The following FOXP1 variants were observed in gnomAD, a reference collection of about 807,000 sequenced individuals.
The protein encoded by FOXP1 is forkhead box protein P1.
FOXP1 carries 15 observed loss-of-function variants against 98.2 expected under a neutral mutation model. The observed-to-expected ratio is 0.15, with a 90% CI of 0.10 to 0.24. The LOEUF is 0.24. Ranked by LOEUF, FOXP1 falls within the 10% of genes least tolerant of loss-of-function variation. The pLI is 1.00. For synonymous variants in FOXP1, 371 were observed against 314.5 expected, an observed-to-expected ratio of 1.18 and a Z score of -1.90; for missense variants, 633 against 848.5, an observed-to-expected ratio of 0.75 and a Z score of 3.15.
intron 11 of FOXP1, among the ~76,000 whole-genome samples, chr3:71,038,951 C>CCA (rs2047970626): frequency 6.6e-6 from 1 of 152,114 alleles, no homozygotes; most frequent in Non-Finnish European, 1.5e-5. Flanking sequence ...CAGGCATGAA[C>CCA]CACTGTACCA....
At position 71,535,503 on chromosome 3, in the gene FOXP1, G is replaced by A. The variant is rs372330351; in HGVS notation, c.-297-41948C>T. 6.1e-4 allele frequency among the ~76,000 whole-genome samples: 93 copies of A among 152,128 alleles called. 2 individuals carry two copies. The South Asian group carries it at 0.014, about 23-fold the overall frequency. Reference sequence around the variant, plus strand: ...GTGGATCACTTGAGGCCAGGAGTTCGAGACCAGCCTGAGCAATATGACAAA... The same window carrying A: ...GTGGATCACTTGAGGCCAGGAGTTCAAGACCAGCCTGAGCAATATGACAAA... On this transcript the variant is annotated intron_variant, in intron 2 of 20. Coordinates refer to ENST00000649528, the MANE Select transcript of FOXP1 (RefSeq NM_001349338.3).
intron 4 of FOXP1, among the ~76,000 whole-genome samples, chr3:71,327,386 AT>A (rs550372415): frequency 0.62 from 20,961 of 33,630 alleles, 6,198 homozygotes; most frequent in East Asian, 0.86. Context: ...TGTCCAGCTA[AT>A]TTTTTTTTTT....
intron 4 of FOXP1, among the ~76,000 whole-genome samples, chr3:71,300,896 T>C (rs917340167): frequency 2.8e-4 from 42 of 152,218 alleles, no homozygotes; most frequent in African/African-American, 9.9e-4. Context: ...CTGTCAGCCC[T>C]GAATGTGGAA....
At chr3:70,993,427 A>G (rs1484717221) in intron 13 of FOXP1, among the ~76,000 whole-genome samples, 1 of 152,212 alleles carries the variant, frequency 6.6e-6, no homozygotes, top group Non-Finnish European at 1.5e-5. Context: ...AGGATCCCAC[A>G]ATAAAAGGAG....
intron 4 of FOXP1, among the ~76,000 whole-genome samples, chr3:71,357,773 A>G (rs1007931479): frequency 3.3e-5 from 5 of 152,198 alleles, no homozygotes; most frequent in African/African-American, 1.2e-4. Flanking sequence ...AAGATGAAGG[A>G]ACGCACTTGA....
At chr3:71,177,232 T>C (rs2061996689) in intron 6 of FOXP1, among the ~76,000 whole-genome samples, 1 of 152,030 alleles carries the variant, frequency 6.6e-6, no homozygotes, top group South Asian at 2.1e-4. Flanking sequence ...CCCGTTGAAA[T>C]GAAATGAAAC....
At chr3:70,982,172 C>CA (rs376437260) in intron 14 of FOXP1, among the ~76,000 whole-genome samples, 10 of 151,990 alleles carry the variant, frequency 6.6e-5, no homozygotes, top group Admixed American at 5.9e-4. Flanking sequence ...AGTGCCCCCC[C>CA]AAAAAAAATT....
In FOXP1 at chr3:70,955,733, A is replaced by G. The variant is rs750633821; in HGVS notation, c.*3514T>C. On this transcript the variant is annotated 3_prime_UTR_variant, in exon 21 of 21. Transcript: ENST00000649528. ...TTAAACAACATTTTTTTTTCTTTTC[A>G]AATGTATGAACTTGTTTAAGATAGC... 5 of 233,224 alleles carry G rather than the reference A, an allele frequency of 2.1e-5. No individual in the cohort carries two copies. The highest frequency in any genetic ancestry group is 5.6e-5 in the Admixed American group (1 of 17,764). 14.4% of individuals were successfully genotyped at this position (233,224 alleles called of 1,614,324 possible). A position where few individuals can be genotyped will look rare whatever the true frequency, so the allele number is the denominator to read the frequency against.
intron 3 of FOXP1, among the ~76,000 whole-genome samples, chr3:71,457,786 G>T (rs2087646274): frequency 6.6e-6 from 1 of 152,130 alleles, no homozygotes; most frequent in Non-Finnish European, 1.5e-5. Flanking sequence ...CTGGGAAATA[G>T]GATTTTATTG....
chr3:71,574,684 GA>G lies in FOXP1; in HGVS notation c.-298+6864del, dbSNP rs969417733. Among the ~76,000 whole-genome samples, 3 of 151,244 alleles carry G rather than the reference GA, an allele frequency of 2.0e-5. No homozygotes were observed. In the South Asian group the frequency reaches 6.3e-4, roughly 32 times the overall value. ...TTTTAAAATTAAGATGGAATACTCAGAAAAAAAAATTCTAGAGAGTCATCTG... is the reference window on the plus strand; with the variant it reads ...TTTTAAAATTAAGATGGAATACTCAGAAAAAAAATTCTAGAGAGTCATCTG... On this transcript the variant is annotated intron_variant, in intron 2 of 20. Coordinates refer to ENST00000649528, the MANE Select transcript of FOXP1 (RefSeq NM_001349338.3).
chr3:71,193,186 T>C (rs370711979), intron 6 of FOXP1, among the ~76,000 whole-genome samples: 243 of 144,800 alleles, frequency 1.7e-3, no homozygotes, highest in African/African-American at 4.2e-3. Context: ...CTTGCTCTGT[T>C]GCCCAGGCTG....
chr3:71,115,787 A>T (rs1167506862), intron 6 of FOXP1, among the ~76,000 whole-genome samples: 2 of 138,828 alleles, frequency 1.4e-5, no homozygotes, highest in Non-Finnish European at 3.0e-5. Flanking sequence ...CCCAGGCTGG[A>T]GTGCAGTAGT....
chr3:70,973,596 G>C (rs1483629024), intron 17 of FOXP1, among the ~76,000 whole-genome samples: 5 of 152,072 alleles, frequency 3.3e-5, no homozygotes, highest in Non-Finnish European at 7.3e-5. Context: ...TAACAAGCAA[G>C]GCTTCATTTC....
chr3:71,082,856 A>T (rs1423955371), intron 7 of FOXP1, among the ~76,000 whole-genome samples: 1 of 152,180 alleles, frequency 6.6e-6, no homozygotes, highest in Non-Finnish European at 1.5e-5. Context: ...TTTTCCGCTA[A>T]CCAGCTGACT....
At chr3:71,303,550 G>A (rs1468643052) in intron 4 of FOXP1, among the ~76,000 whole-genome samples, 23 of 152,048 alleles carry the variant, frequency 1.5e-4, no homozygotes, top group Admixed American at 1.4e-3. Context: ...TATCTTCTGT[G>A]GGCTTTAATA....
In FOXP1 at chr3:71,428,774, C is replaced by A. The variant is rs561417226; in HGVS notation, c.-168+64652G>T. 2.6e-5 allele frequency among the ~76,000 whole-genome samples: 4 copies of A among 152,286 alleles called. 1 individual carries two copies. In the South Asian group the frequency reaches 8.3e-4, roughly 32 times the overall value. On this transcript the variant is annotated intron_variant, in intron 3 of 20. Coordinates refer to ENST00000649528, the MANE Select transcript of FOXP1 (RefSeq NM_001349338.3). ...TACAATGAGATGTGGCCTGGACACA[C>A]ATACACACAAAAGAAACTTGAAGGG... is the stretch of plus-strand genomic sequence containing the variant.
At chr3:71,304,587 AC>A (rs2074116651) in intron 4 of FOXP1, 1 of 152,258 alleles carries the variant, frequency 6.6e-6, no homozygotes, top group South Asian at 2.1e-4. Context: ...ATACAATAGC[AC>A]TAATCACAGA....
Position 71,442,937 on chromosome 3 carries a change from G to A in FOXP1, c.-168+50489C>T, listed in dbSNP as rs188465793. Among the ~76,000 whole-genome samples the A allele has an allele frequency of 9.0e-4, 137 of 152,092 alleles. 1 individual carries two copies. The highest frequency in any genetic ancestry group is 1.3e-3 in the Non-Finnish European group (90 of 67,966). ...AGTCTCGCTCTGTCACCCAGGCTGG[G>A]CTGGAGTGCAGTGGCGCGATCTCAG... On this transcript the variant is annotated intron_variant, in intron 3 of 20. Transcript: ENST00000649528.
At chr3:71,416,547 A>AACACACACACACAC (rs55710900) in intron 3 of FOXP1, among the ~76,000 whole-genome samples, 2 of 136,780 alleles carry the variant, frequency 1.5e-5, no homozygotes, top group East Asian at 2.4e-4. Context: ...TCTGTCTCAA[A>AACACACACACACAC]ACACACACAC....
Sources: gnomAD v4.1 joint callset for allele counts (sites outside exome capture counted in the v4.1 genomes callset) on GRCh38, gnomAD v4.1.1 for gene constraint, MANE v1.5 for transcripts, NCBI Gene and HGNC (gene_info 2026-07-23, HGNC 2026-07-21) for gene names.